PRKN: variants seen among roughly 807,000 people sequenced by gnomAD.
PRKN encodes parkin RBR E3 ubiquitin protein ligase, also known as E3 ubiquitin-protein ligase parkin.
PRKN carries 56 observed loss-of-function variants against 59.5 expected under a neutral mutation model. The observed-to-expected ratio is 0.94, with a 90% CI of 0.76 to 1.18. The LOEUF (loss-of-function observed/expected upper bound fraction) is 1.18, where lower values mean the gene tolerates loss of function less well. Ranked by LOEUF, PRKN falls within the 50% of genes most tolerant of loss-of-function variation. The probability of loss-of-function intolerance (pLI) is 0.00; values close to 1 mark genes in which losing one functional copy is unlikely to be tolerated. For missense variants in PRKN, 657 were observed against 596.4 expected (o/e 1.10, Z -1.06); for synonymous variants, 250 against 222.1 (o/e 1.13, Z -1.12).
At chr6:162,435,311 T>C (rs1390010194) in intron 2 of PRKN, among the ~76,000 whole-genome samples, 3 of 152,196 alleles carry the variant, frequency 2.0e-5, no homozygotes, top group South Asian at 4.1e-4. Flanking sequence ...CCACAGACTA[T>C]ATATCTTCAG....
At chr6:161,697,257 A>G (rs1056535555) in intron 7 of PRKN, among the ~76,000 whole-genome samples, 4 of 152,208 alleles carry the variant, frequency 2.6e-5, no homozygotes, top group African/African-American at 9.6e-5. Flanking sequence ...GAATTTGAAG[A>G]GCTGATATTT....
intron 4 of PRKN, among the ~76,000 whole-genome samples, chr6:162,098,707 C>T (rs1779846119): frequency 6.6e-6 from 1 of 152,196 alleles, no homozygotes; most frequent in African/African-American, 2.4e-5. Flanking sequence ...CCTACTTATC[C>T]TGTAAAAGTC....
intron 1 of PRKN, among the ~76,000 whole-genome samples, chr6:162,655,124 C>T (rs1411185587): frequency 6.6e-6 from 1 of 151,992 alleles, no homozygotes; most frequent in African/African-American, 2.4e-5. Flanking sequence ...TAAAAATATA[C>T]ATAATTTATT....
rs566883111 is a variant in PRKN at position 162,328,483 on chromosome 6, C to T, written c.172-65718G>A. 3.3e-4 allele frequency among the ~76,000 whole-genome samples: 51 copies of T among 152,264 alleles called. 1 individual carries two copies. In the South Asian group the frequency reaches 9.1e-3, roughly 27 times the overall value. The stretch of plus-strand genomic sequence containing the variant: ...TAATTCAAAAGCATTTACTGAACAA[C>T]GAATGTGTATTAGAACTTACAAAGA... On this transcript the variant is annotated intron_variant, in intron 2 of 11. Transcript: ENST00000366898.
intron 2 of PRKN, among the ~76,000 whole-genome samples, chr6:162,373,882 A>G (rs1785900415): frequency 1.3e-5 from 2 of 152,204 alleles, no homozygotes; most frequent in Non-Finnish European, 2.9e-5. Flanking sequence ...GTGTGGTCAA[A>G]GAAGACTTAT....
chr6:162,456,808 T>A (rs1240907794), intron 1 of PRKN, among the ~76,000 whole-genome samples: 1 of 152,210 alleles, frequency 6.6e-6, no homozygotes, highest in Non-Finnish European at 1.5e-5. Flanking sequence ...ATTGCACTCA[T>A]AGCCAATATC....
rs183128357 is a variant in PRKN at position 162,390,768 on chromosome 6, T to G, written c.171+52542A>C. Among the ~76,000 whole-genome samples, 48 of 152,190 alleles carry G rather than the reference T, an allele frequency of 3.2e-4. 1 individual carries two copies. In the East Asian group the frequency reaches 7.5e-3, roughly 24 times the overall value. On this transcript the variant is annotated intron_variant, in intron 2 of 11. Transcript: ENST00000366898. ...CTGCTAAGGTATATTAACGGTCAGT[T>G]TAGTATTATTTGACTATTTGTTAAC...
At chr6:161,732,286 C>G (rs149103298) in intron 7 of PRKN, among the ~76,000 whole-genome samples, 1 of 151,982 alleles carries the variant, frequency 6.6e-6, no homozygotes, top group African/African-American at 2.4e-5. Context: ...AGGGTTTCAC[C>G]ATGTTGGCCA....
At chr6:162,213,209 T>C (rs1287125219) in intron 3 of PRKN, among the ~76,000 whole-genome samples, 1 of 152,026 alleles carries the variant, frequency 6.6e-6, no homozygotes, top group Non-Finnish European at 1.5e-5. Context: ...AGAAGAATAT[T>C]AAAAACCTAT....
At chr6:161,639,336 G>A (rs1305272408) in intron 7 of PRKN, among the ~76,000 whole-genome samples, 6 of 152,158 alleles carry the variant, frequency 3.9e-5, no homozygotes, top group Non-Finnish European at 7.3e-5. Context: ...ATACAGGATC[G>A]AGTACGTTCA....
rs1170911496 is a variant in PRKN at position 161,554,233 on chromosome 6, A to G, written c.934-5230T>C. On this transcript the variant is annotated intron_variant, in intron 8 of 11. Coordinates refer to ENST00000366898, the MANE Select transcript of PRKN (RefSeq NM_004562.3). This position sits in a 1 kb window ranked among gnomAD's most constrained non-coding sequence, Gnocchi z 4.5. ...CACATTACACAATTTCAGAATAACA[A>G]TACCATCACTGTGCCTATGATTTCT... 1.3e-5 allele frequency among the ~76,000 whole-genome samples: 2 copies of G among 152,216 alleles called. No individual in the cohort carries two copies. Among genetic ancestry groups the G allele is most frequent in the African/African-American group, 4.8e-5 (2 of 41,444 alleles).
In PRKN at chr6:161,357,451, C is replaced by T. The variant is rs1484919151; in HGVS notation, c.1285+2637G>A. The stretch of plus-strand genomic sequence containing the variant: ...CCCCAGACCTGCTGGGTAAATTCTC[C>T]ACCTGCCGTGCCTGTGACGCCTGCC... On this transcript the variant is annotated intron_variant, in intron 11 of 11. Coordinates refer to ENST00000366898, the MANE Select transcript of PRKN (RefSeq NM_004562.3). This position sits in a 1 kb window ranked among gnomAD's most constrained non-coding sequence, Gnocchi z 5.5. Among the ~76,000 whole-genome samples, 4 of 152,212 alleles carry T rather than the reference C, an allele frequency of 2.6e-5. No homozygotes were observed. The highest frequency in any genetic ancestry group is 6.5e-5 in the Admixed American group (1 of 15,290).
intron 9 of PRKN, among the ~76,000 whole-genome samples, chr6:161,501,993 TGAGA>T (rs1025497290): frequency 1.8e-4 from 27 of 152,148 alleles, no homozygotes; most frequent in Admixed American, 1.8e-3. Context: ...GTGAGTGACA[TGAGA>T]GAGAAAGTCT....
intron 1 of PRKN, among the ~76,000 whole-genome samples, chr6:162,611,333 T>C (rs182326294): frequency 1.9e-4 from 29 of 152,332 alleles, no homozygotes; most frequent in Admixed American, 1.8e-3. Flanking sequence ...TTCAGATTGC[T>C]ACAATGTGCT....
chr6:162,138,871 T>A (rs1043450853), intron 4 of PRKN, among the ~76,000 whole-genome samples: 2 of 151,468 alleles, frequency 1.3e-5, no homozygotes, highest in African/African-American at 4.9e-5. Flanking sequence ...AGGGCCAGAG[T>A]ATCAGTGACC....
intron 9 of PRKN, among the ~76,000 whole-genome samples, chr6:161,432,998 C>T (rs760420812): frequency 1.2e-4 from 18 of 152,128 alleles, no homozygotes; most frequent in Middle Eastern, 6.8e-3. Flanking sequence ...AATCAGCGTG[C>T]CAATAATTTC....
intron 7 of PRKN, among the ~76,000 whole-genome samples, chr6:161,708,372 A>G (rs894044394): frequency 1.3e-5 from 2 of 151,964 alleles, no homozygotes; most frequent in Admixed American, 1.3e-4. Context: ...AAAATATTGT[A>G]AATATTACTA....
chr6:162,023,273 A>C (rs1317802249), intron 5 of PRKN, among the ~76,000 whole-genome samples: 2 of 152,200 alleles, frequency 1.3e-5, no homozygotes, highest in Non-Finnish European at 1.5e-5. Flanking sequence ...AATCAACTCA[A>C]TTAGAGCGTC....
intron 6 of PRKN, among the ~76,000 whole-genome samples, chr6:161,933,406 A>G (rs903115678): frequency 2.6e-5 from 4 of 152,232 alleles, no homozygotes; most frequent in African/African-American, 9.6e-5. Flanking sequence ...TGTATGAGAA[A>G]AATGACAACC....
Sources: allele counts gnomAD v4.1 joint callset (sites outside exome capture counted in the v4.1 genomes callset), GRCh38; gene constraint gnomAD v4.1.1; non-coding constraint Gnocchi (gnomAD v3.1); transcripts MANE v1.5; gene names NCBI Gene and HGNC (gene_info 2026-07-23, HGNC 2026-07-21).